Variants in SVIL observed in about 807,000 individuals in gnomAD.
SVIL encodes supervillin, also known as archvillin.
A neutral mutation model predicts 240.4 loss-of-function variants in SVIL; 101 were observed. The observed-to-expected ratio is 0.42, with a 90% confidence interval of 0.36 to 0.50. The LOEUF (loss-of-function observed/expected upper bound fraction) is 0.50. SVIL is among the 20% of genes least tolerant of loss of function. SVIL has a pLI of 0.01. For synonymous variants in SVIL, 999 were observed against 1,100.0 expected (o/e 0.91, Z 1.82); for missense variants, 2,512 against 2,818.7 (o/e 0.89, Z 2.46).
rs1243665066 is a variant in SVIL at position 29,490,874 on chromosome 10, C to G, written c.4165G>C (p.Glu1389Gln). The G allele has an allele frequency of 6.2e-7, 1 of 1,613,956 alleles. No individual in the cohort carries two copies. The highest frequency in any genetic ancestry group is 1.1e-5 in the South Asian group (1 of 91,076). ...TTTTCTACTTTCATCCGCTTTGACTCCATGAAGGCAACGTTTAATCTCTGC... is the reference window on the plus strand; with the variant it reads ...TTTTCTACTTTCATCCGCTTTGACTGCATGAAGGCAACGTTTAATCTCTGC... The part of the protein sequence containing the change: ...TEQRLNVAFM[E>Q]SKRMKVEKMS... Residue 1389 changes from glutamate to glutamine, a missense_variant, in exon 22 of 38, where the codon GAG becomes CAG. Coordinates refer to ENST00000355867, the MANE Select transcript of SVIL (RefSeq NM_021738.3).
Position 29,533,108 on chromosome 10 carries a change from A to G in SVIL, c.1259T>C (p.Leu420Pro). Residue 420 changes from leucine to proline, a missense_variant, in exon 8 of 38, where the codon CTC becomes CCC. By Grantham distance (98) the Leu-to-Pro change is moderately conservative. Coordinates refer to ENST00000355867, the MANE Select transcript of SVIL (RefSeq NM_021738.3). ...LEGDGRDSPVLHVCESKAEEE... is the reference protein window; with the variant it reads ...LEGDGRDSPVPHVCESKAEEE... ...TTCTGCTTTTGACTCGCAGACATGG[A>G]GAACTGGGCTATCCCTTCCGTCACC... 6.2e-7 allele frequency: 1 copy of G among 1,613,946 alleles called. No individual in the cohort carries two copies. Among genetic ancestry groups the G allele is most frequent in the African/African-American group, 1.3e-5 (1 of 74,962 alleles).
chr10:29,633,439 T>C (rs34011969), intron 1 of SVIL, among the ~76,000 whole-genome samples: 1,972 of 152,174 alleles, frequency 0.013, 11 homozygotes, highest in Non-Finnish European at 0.019. Flanking sequence ...ATTGGGCATT[T>C]ACAATTCTTA....
At chr10:29,710,869 G>A (rs1180906648) in intron 1 of SVIL, among the ~76,000 whole-genome samples, 1 of 152,182 alleles carries the variant, frequency 6.6e-6, no homozygotes, top group Non-Finnish European at 1.5e-5. Context: ...GCAAAGAGAT[G>A]TGGCATCCAA....
intron 1 of SVIL, among the ~76,000 whole-genome samples, chr10:29,719,724 GA>G (rs1963861014): frequency 6.6e-6 from 1 of 152,072 alleles, no homozygotes; most frequent in Non-Finnish European, 1.5e-5. Flanking sequence ...CATTTCAGAA[GA>G]AAAGACTATT....
chr10:29,581,284 CCA>C, intron 1 of SVIL, among the ~76,000 whole-genome samples: 1 of 152,286 alleles, frequency 6.6e-6, no homozygotes, highest in Non-Finnish European at 1.5e-5. Flanking sequence ...TAGGGAAAGC[CCA>C]CTTAGGCCCT....
At chr10:29,585,430 C>A (rs1314655827) in intron 1 of SVIL, among the ~76,000 whole-genome samples, 1 of 152,144 alleles carries the variant, frequency 6.6e-6, no homozygotes, top group Non-Finnish European at 1.5e-5. Flanking sequence ...CCTCAAGAAT[C>A]CTTCCACCTC....
chr10:29,519,844 G>T (rs1950449369), intron 16 of SVIL, among the ~76,000 whole-genome samples: 1 of 152,196 alleles, frequency 6.6e-6, no homozygotes, highest in Non-Finnish European at 1.5e-5. Context: ...TATGGCTTCT[G>T]TTAGCCAGCA....
intron 1 of SVIL, among the ~76,000 whole-genome samples, chr10:29,689,264 C>T (rs570954655): frequency 9.2e-5 from 14 of 152,160 alleles, no homozygotes; most frequent in South Asian, 2.1e-4. Flanking sequence ...GGTATCTCCC[C>T]GACTCATGAG....
chr10:29,600,993 C>T lies in SVIL; in HGVS notation c.-200-31681G>A, dbSNP rs115635323. On this transcript the variant is annotated intron_variant, in intron 1 of 37. Transcript: ENST00000355867. ...ATACATAGACACTCCCTGGTGTCCG[C>T]GCGGTTTTAAAACCACTTTTCCTGG... is the stretch of plus-strand genomic sequence containing the variant. Among the ~76,000 whole-genome samples, 293 of 152,238 alleles carry T rather than the reference C, an allele frequency of 1.9e-3. 1 individual carries two copies. The highest frequency in any genetic ancestry group is 6.8e-3 in the African/African-American group (284 of 41,524).
At chr10:29,640,932 A>G (rs1204974277) in intron 3 of SVIL, among the ~76,000 whole-genome samples, 1 of 152,176 alleles carries the variant, frequency 6.6e-6, no homozygotes, top group East Asian at 1.9e-4. Flanking sequence ...AGAGTCCCCC[A>G]GCAGTTCTCA....
chr10:29,702,175 CAAAA>C lies in SVIL; in HGVS notation c.-399-15528_-399-15525del, dbSNP rs60338711. 1.6e-4 allele frequency among the ~76,000 whole-genome samples: 10 copies of C among 61,660 alleles called. No homozygotes were observed. The East Asian group carries it at 3.3e-3, about 21-fold the overall frequency. The allele number at this position is 61,660 out of a possible 152,430, so 40.5% of individuals were successfully genotyped here. A position where few individuals can be genotyped will look rare whatever the true frequency, so the allele number is the denominator to read the frequency against. ...GGGTAATAGAGCGAGACTCCATCTC[CAAAA>C]AAAAAAAAAAAAAAAAAAGTAAAGA... On this transcript the variant is annotated intron_variant, in intron 1 of 35. Transcript: ENST00000375400.
chr10:29,561,169 T>G (rs1462446649), intron 3 of SVIL, among the ~76,000 whole-genome samples: 1 of 152,190 alleles, frequency 6.6e-6, no homozygotes, highest in Non-Finnish European at 1.5e-5. Flanking sequence ...GGGACCATGT[T>G]AATTTAGAAA....
chr10:29,679,468 A>G (rs1420137458), intron 2 of SVIL, among the ~76,000 whole-genome samples: 4 of 152,230 alleles, frequency 2.6e-5, no homozygotes, highest in African/African-American at 9.6e-5. Context: ...TAGAAAAACA[A>G]AAACCTAAAA....
rs1349294867 is a variant in SVIL at position 29,470,470 on chromosome 10, C to G, written c.5649G>C (p.Leu1883=). The change falls in exon 32 of 38, where the codon CTG becomes CTC. Residue 1883 remains leucine (L), a synonymous_variant. Coordinates refer to ENST00000355867, the MANE Select transcript of SVIL (RefSeq NM_021738.3). ...EEENVQSEWR[L]YCVRGEVPVE... ...CGGGCACCTCTCCACGCACGCAGTA[C>G]AGCCGCCACTCACCTGCAGGGGGCA... 2 of 1,612,954 alleles carry G rather than the reference C, an allele frequency of 1.2e-6. No individual in the cohort carries two copies. Among genetic ancestry groups the G allele is most frequent in the Non-Finnish European group, 1.7e-6 (2 of 1,179,864 alleles).
chr10:29,607,208 T>A (rs1201344703), intron 1 of SVIL, among the ~76,000 whole-genome samples: 1 of 152,246 alleles, frequency 6.6e-6, no homozygotes, highest in East Asian at 1.9e-4. Flanking sequence ...GTTTCAAAAT[T>A]TATGTATTCT....
intron 1 of SVIL, among the ~76,000 whole-genome samples, chr10:29,613,554 T>C (rs1039054585): frequency 2.0e-5 from 3 of 152,008 alleles, no homozygotes; most frequent in Non-Finnish European, 4.4e-5. Flanking sequence ...CCAGGGCTTG[T>C]CTTGAACTCC....
intron 1 of SVIL, among the ~76,000 whole-genome samples, chr10:29,605,377 C>T (rs1018634103): frequency 3.3e-5 from 5 of 152,214 alleles, no homozygotes; most frequent in Non-Finnish European, 5.9e-5. Flanking sequence ...CCGTCTCCCC[C>T]CAGCCTCAGC....
chr10:29,599,892 TGTTTG>T (rs1384076122), intron 1 of SVIL, among the ~76,000 whole-genome samples: 1 of 152,072 alleles, frequency 6.6e-6, no homozygotes, highest in Non-Finnish European at 1.5e-5. Context: ...AGCCCTCTTC[TGTTTG>T]GTTTGCTATC....
rs377746750 is a variant in SVIL, at chr10:29,484,852, G to T, written c.4780-21C>A. On this transcript the variant is annotated intron_variant, in intron 26 of 37. Transcript: ENST00000355867. The surrounding 1 kb of genome is among the most constrained non-coding windows in gnomAD (Gnocchi z 4.7). ...AGTACCTGGGAGAAATGGCACAAAA[G>T]AATTTGTTAACTTCAAGAACATGCA... 1.4e-4 allele frequency: 215 copies of T among 1,586,068 alleles called. 1 individual carries two copies. In the African/African-American group the frequency reaches 2.7e-3, roughly 20 times the overall value.
Sources: allele counts gnomAD v4.1 joint callset (sites outside exome capture counted in the v4.1 genomes callset), GRCh38; gene constraint gnomAD v4.1.1; non-coding constraint Gnocchi (gnomAD v3.1); transcripts MANE v1.5; gene names NCBI Gene and HGNC (gene_info 2026-07-23, HGNC 2026-07-21).